The following PBX3 variants were observed in gnomAD, a reference collection of about 807,000 sequenced individuals.
PBX3 encodes the protein PBX homeobox 3.
A neutral mutation model predicts 48.5 loss-of-function variants in PBX3; 14 were observed. The ratio of observed to expected loss-of-function variants is 0.29; its 90% CI spans 0.19 to 0.45. The LOEUF is 0.45. Ranked by LOEUF, PBX3 falls within the 20% of genes least tolerant of loss-of-function variation. The pLI is 1.00. For synonymous variants in PBX3, 210 were observed against 200.3 expected (o/e 1.05, Z -0.41); for missense variants, 386 against 546.7 (o/e 0.71, Z 2.93).
At chr9:125,864,719 G>C (rs1352650138) in intron 2 of PBX3, among the ~76,000 whole-genome samples, 2 of 152,188 alleles carry the variant, frequency 1.3e-5, no homozygotes, top group Non-Finnish European at 2.9e-5. Context: ...AACTCAGGTG[G>C]TAATGCGATG....
At chr9:125,927,043 A>AG (rs1303266760) in intron 3 of PBX3, among the ~76,000 whole-genome samples, 9 of 152,248 alleles carry the variant, frequency 5.9e-5, no homozygotes, top group Admixed American at 2.6e-4. Flanking sequence ...TCTCATCAGA[A>AG]TTATTAATAT....
chr9:125,886,799 T>A (rs1378164021), intron 2 of PBX3, among the ~76,000 whole-genome samples: 2 of 151,276 alleles, frequency 1.3e-5, no homozygotes, highest in Non-Finnish European at 1.5e-5. Flanking sequence ...GTGTGAAAAT[T>A]ACAACTTGAA....
intron 2 of PBX3, among the ~76,000 whole-genome samples, chr9:125,898,597 C>G (rs752359898): frequency 1.3e-4 from 20 of 151,694 alleles, no homozygotes; most frequent in Non-Finnish European, 2.8e-4. Flanking sequence ...TCTAGCTCAG[C>G]CCTCTCATTT....
At chr9:125,932,564 A>G (rs1431745734) in intron 4 of PBX3, among the ~76,000 whole-genome samples, 3 of 152,234 alleles carry the variant, frequency 2.0e-5, no homozygotes, top group African/African-American at 4.8e-5. Flanking sequence ...ACTTTGTAAC[A>G]GCTCAAATCA....
At chr9:125,790,035 A>C (rs1416006752) in intron 2 of PBX3, among the ~76,000 whole-genome samples, 1 of 152,200 alleles carries the variant, frequency 6.6e-6, no homozygotes, top group African/African-American at 2.4e-5. Flanking sequence ...ACTGATGCTC[A>C]TCAAATGGAC....
At chr9:125,761,550 A>G (rs1274386716) in intron 2 of PBX3, among the ~76,000 whole-genome samples, 1 of 152,046 alleles carries the variant, frequency 6.6e-6, no homozygotes, top group Non-Finnish European at 1.5e-5. Context: ...TCTTGTCATG[A>G]TGCATGTCTC....
intron 2 of PBX3, among the ~76,000 whole-genome samples, chr9:125,863,583 T>C (rs772018950): frequency 3.3e-5 from 5 of 152,156 alleles, no homozygotes. Flanking sequence ...AGATACTTTC[T>C]AAGAGTTAAG....
intron 2 of PBX3, among the ~76,000 whole-genome samples, chr9:125,806,740 T>C (rs1450838889): frequency 6.6e-6 from 1 of 152,228 alleles, no homozygotes; most frequent in East Asian, 1.9e-4. Context: ...TCATAAGTTA[T>C]TGTGAGCAGT....
intron 2 of PBX3, among the ~76,000 whole-genome samples, chr9:125,853,465 A>T (rs1231025402): frequency 1.3e-5 from 2 of 152,158 alleles, no homozygotes; most frequent in African/African-American, 4.8e-5. Context: ...AGCCTGGGAG[A>T]TCATTTTTAC....
At chr9:125,834,910 A>G (rs1394581325) in intron 2 of PBX3, among the ~76,000 whole-genome samples, 4 of 147,894 alleles carry the variant, frequency 2.7e-5, no homozygotes, top group Non-Finnish European at 4.5e-5. Context: ...CCAGCTATTC[A>G]GGAGGCTGAG....
chr9:125,878,271 A>AG (rs1161852934), intron 2 of PBX3, among the ~76,000 whole-genome samples: 1 of 152,190 alleles, frequency 6.6e-6, no homozygotes, highest in Non-Finnish European at 1.5e-5. Context: ...GACAGCTTGG[A>AG]GGGGGGTAAG....
chr9:125,879,749 A>G (rs1304414104), intron 2 of PBX3, among the ~76,000 whole-genome samples: 1 of 152,234 alleles, frequency 6.6e-6, no homozygotes, highest in Non-Finnish European at 1.5e-5. Context: ...TTTGAGGAAC[A>G]CCACATAGAT....
intron 3 of PBX3, among the ~76,000 whole-genome samples, chr9:125,919,675 G>C (rs1841415281): frequency 6.6e-6 from 1 of 152,110 alleles, no homozygotes; most frequent in South Asian, 2.1e-4. Flanking sequence ...AACTACATTA[G>C]AATCTTAGAG....
chr9:125,880,107 C>T (rs1431649874), intron 2 of PBX3, among the ~76,000 whole-genome samples: 1 of 152,156 alleles, frequency 6.6e-6, no homozygotes, highest in African/African-American at 2.4e-5. Flanking sequence ...TACAGTGGTG[C>T]AATCTCGGCT....
intron 2 of PBX3, among the ~76,000 whole-genome samples, chr9:125,883,863 A>T (rs1032882096): frequency 3.3e-5 from 5 of 152,190 alleles, no homozygotes; most frequent in African/African-American, 1.2e-4. Flanking sequence ...GCTTACCTGA[A>T]AGGACTGTCG....
intron 5 of PBX3, among the ~76,000 whole-genome samples, chr9:125,942,134 A>G (rs1049808543): frequency 3.9e-5 from 6 of 152,256 alleles, no homozygotes; most frequent in Non-Finnish European, 8.8e-5. Flanking sequence ...AGATGAGGAA[A>G]CTGAAGTTCA....
chr9:125,954,762 C>G (rs1165780543), intron 5 of PBX3, among the ~76,000 whole-genome samples: 2 of 152,172 alleles, frequency 1.3e-5, no homozygotes, highest in Non-Finnish European at 2.9e-5. Context: ...TGGTCTCAAT[C>G]TCCTGACCTC....
chr9:125,809,033 C>T (rs944654786), intron 2 of PBX3, among the ~76,000 whole-genome samples: 1 of 152,114 alleles, frequency 6.6e-6, no homozygotes, highest in Non-Finnish European at 1.5e-5. Flanking sequence ...TACCGCTGTT[C>T]TTGAGTGCCA....
chr9:125,820,134 A>C (rs1215848472), intron 2 of PBX3, among the ~76,000 whole-genome samples: 3 of 152,230 alleles, frequency 2.0e-5, no homozygotes, highest in African/African-American at 4.8e-5. Flanking sequence ...ACTGTGAAAA[A>C]GATGAAGAAA....
Sources: gnomAD v4.1 joint callset for allele counts (sites outside exome capture counted in the v4.1 genomes callset) on GRCh38, gnomAD v4.1.1 for gene constraint, MANE v1.5 for transcripts, NCBI Gene and HGNC (gene_info 2026-07-23, HGNC 2026-07-21) for gene names.